SGCD: variants seen among roughly 807,000 people sequenced by gnomAD.
SGCD encodes the protein delta-sarcoglycan.
A neutral mutation model predicts 36.6 loss-of-function variants in SGCD; 18 were observed. The observed-to-expected ratio is 0.49, with a 90% CI of 0.34 to 0.73. SGCD has a LOEUF of 0.73. Ranked by LOEUF, SGCD falls within the 30% of genes least tolerant of loss-of-function variation. The probability of loss-of-function intolerance (pLI) is 0.01; values close to 1 mark genes in which losing one functional copy is unlikely to be tolerated. For missense variants in SGCD, 387 were observed against 346.7 expected, an observed-to-expected ratio of 1.12 and a Z score of -0.92; for synonymous variants, 133 against 130.6, an observed-to-expected ratio of 1.02 and a Z score of -0.12.
chr5:156,742,096 T>A (rs946842172), intron 7 of SGCD, among the ~76,000 whole-genome samples: 6 of 152,154 alleles, frequency 3.9e-5, no homozygotes, highest in Non-Finnish European at 8.8e-5. Flanking sequence ...CAAGATGGTC[T>A]CGATCTCCTG....
chr5:155,844,184 C>T, the SGCD span, among the ~76,000 whole-genome samples: 41,932 of 152,008 alleles, frequency 0.28, 7,350 homozygotes, highest in East Asian at 0.43. Flanking sequence ...TCTGACCTAG[C>T]ATGTCTTCTC....
At chr5:155,851,994 A>T in the SGCD span, among the ~76,000 whole-genome samples, 1 of 152,204 alleles carries the variant, frequency 6.6e-6, no homozygotes, top group Admixed American at 6.5e-5. Flanking sequence ...CCATATGGAC[A>T]ACTTCAGCTG....
intron 3 of SGCD, among the ~76,000 whole-genome samples, chr5:156,378,401 A>C (rs758040512): frequency 6.6e-6 from 1 of 152,198 alleles, no homozygotes; most frequent in Non-Finnish European, 1.5e-5. Flanking sequence ...AAAGGTTCTG[A>C]AAATAGATGG....
chr5:156,304,503 C>T (rs1050123147), intron 3 of SGCD, among the ~76,000 whole-genome samples: 24 of 152,156 alleles, frequency 1.6e-4, no homozygotes, highest in African/African-American at 5.1e-4. Context: ...CCCCCAGCCA[C>T]GTGGAACTGT....
Position 156,569,475 on chromosome 5 carries a change from C to A in SGCD, c.295-19756C>A, listed in dbSNP as rs181136149. ...GGCATGGTGGCATGCACCTGTATTC[C>A]CAACTACTCAGGAGACTGAGGCAGG... On this transcript the variant is annotated intron_variant, in intron 4 of 8. Coordinates refer to ENST00000337851, the MANE Select transcript of SGCD (RefSeq NM_000337.6). Among the ~76,000 whole-genome samples, 688 of 152,024 alleles carry A rather than the reference C, an allele frequency of 4.5e-3. 5 individuals are homozygous for A. The highest frequency in any genetic ancestry group is 0.014 in the African/African-American group (573 of 41,460).
chr5:156,723,981 G>A (rs886606980), intron 7 of SGCD, among the ~76,000 whole-genome samples: 1 of 152,134 alleles, frequency 6.6e-6, no homozygotes, highest in African/African-American at 2.4e-5. Flanking sequence ...ATAGAGTTAG[G>A]AAATTATTCT....
intron 1 of SGCD, among the ~76,000 whole-genome samples, chr5:156,035,215 T>C (rs991288260): frequency 4.6e-5 from 7 of 152,308 alleles, no homozygotes; most frequent in Middle Eastern, 6.8e-3. Flanking sequence ...GTCTTGTGCA[T>C]TTTAAAGTTT....
chr5:156,063,592 TCTC>T (rs1379714774), intron 1 of SGCD, among the ~76,000 whole-genome samples: 1 of 90,492 alleles, frequency 1.1e-5, no homozygotes, highest in Non-Finnish European at 2.1e-5. Flanking sequence ...CATTTGTTTG[TCTC>T]CTCTTTTATT....
At chr5:155,809,551 C>T in the SGCD span, among the ~76,000 whole-genome samples, 2 of 151,752 alleles carry the variant, frequency 1.3e-5, no homozygotes, top group Non-Finnish European at 2.9e-5. Flanking sequence ...AATGTGTGAT[C>T]AAGAGTTCTA....
chr5:155,756,465 A>G, the SGCD span, among the ~76,000 whole-genome samples: 1 of 152,100 alleles, frequency 6.6e-6, no homozygotes, highest in African/African-American at 2.4e-5. Context: ...CACATCCCCC[A>G]AATTGTTGAT....
chr5:155,758,329 G>T, the SGCD span, among the ~76,000 whole-genome samples: 2 of 152,202 alleles, frequency 1.3e-5, no homozygotes, highest in South Asian at 4.1e-4. Context: ...TAGCTCTGCA[G>T]ATGTATGCTT....
In SGCD at chr5:156,589,305, T is replaced by C; in HGVS notation, c.369T>C (p.Thr123=). ...NILNDQTKVL[T]QLITGPKAVE... The stretch of plus-strand genomic sequence containing the variant: ...TCAATGACCAGACTAAAGTGCTAAC[T>C]CAGCTTATAACAGGTAAGAAAAGGG... Residue 123 remains threonine, a synonymous_variant, in exon 5 of 9, where the codon ACT becomes ACC. Transcript: ENST00000337851. 6.4e-7 allele frequency: 1 copy of C among 1,566,834 alleles called. No individual in the cohort carries two copies. The highest frequency in any genetic ancestry group is 8.7e-7 in the Non-Finnish European group (1 of 1,153,008).
intron 7 of SGCD, among the ~76,000 whole-genome samples, chr5:156,676,300 C>T (rs1316297470): frequency 6.6e-6 from 1 of 152,160 alleles, no homozygotes; most frequent in African/African-American, 2.4e-5. Context: ...TGCCTGCAAC[C>T]TGTTGCTGGC....
rs562539644 is a variant in SGCD at position 156,458,186 on chromosome 5, G to A, written c.193-50415G>A. ...CAGCAGGCAGGCAGGCAGGCACACA[G>A]GCCAGACACACTTTCTCCCTCTCCG... On this transcript the variant is annotated intron_variant, in intron 3 of 8. Transcript: ENST00000337851. Among the ~76,000 whole-genome samples, 21 of 152,256 alleles carry A rather than the reference G, an allele frequency of 1.4e-4. No individual in the cohort carries two copies. In the South Asian group the frequency reaches 4.4e-3, roughly 32 times the overall value.
the SGCD span, among the ~76,000 whole-genome samples, chr5:155,729,425 GAGAGAAAGAGAC>G: frequency 3.1e-4 from 47 of 152,378 alleles, no homozygotes; most frequent in East Asian, 9.7e-4. Context: ...GTGTGTGTGA[GAGAGAAAGAGAC>G]AGAGAAAGAG....
At chr5:156,094,641 C>T (rs555196807) in intron 1 of SGCD, among the ~76,000 whole-genome samples, 11 of 152,312 alleles carry the variant, frequency 7.2e-5, no homozygotes, top group African/African-American at 2.6e-4. Flanking sequence ...GTCTTGGGCT[C>T]ATAGCTGTAA....
chr5:156,186,983 C>T (rs1264481200), intron 3 of SGCD, among the ~76,000 whole-genome samples: 2 of 152,064 alleles, frequency 1.3e-5, no homozygotes, highest in Non-Finnish European at 2.9e-5. Context: ...CAAGAATGTA[C>T]CTCTTTTTTT....
intron 3 of SGCD, among the ~76,000 whole-genome samples, chr5:156,292,221 G>T (rs1411945828): frequency 1.3e-5 from 2 of 151,988 alleles, no homozygotes; most frequent in African/African-American, 4.8e-5. Context: ...ACTACCACTT[G>T]TCTCCTCAAC....
At chr5:156,749,488 A>G (rs894203160) in intron 7 of SGCD, among the ~76,000 whole-genome samples, 3 of 152,144 alleles carry the variant, frequency 2.0e-5, no homozygotes, top group Admixed American at 1.3e-4. Context: ...AAGGACTAAT[A>G]ATAAACCTCT....
Sources: gnomAD v4.1 joint callset for allele counts (sites outside exome capture counted in the v4.1 genomes callset) on GRCh38, gnomAD v4.1.1 for gene constraint, MANE v1.5 for transcripts, NCBI Gene and HGNC (gene_info 2026-07-23, HGNC 2026-07-21) for gene names.